WDFY2: variants seen among roughly 807,000 people sequenced by gnomAD.
The protein encoded by WDFY2 is WD repeat and FYVE domain-containing protein 2.
Under a neutral mutation model 56.4 loss-of-function variants are expected in WDFY2, and 36 were observed. That is an observed-to-expected ratio of 0.64 (90% CI 0.49 to 0.84). The LOEUF (loss-of-function observed/expected upper bound fraction) is 0.84, where lower values mean the gene tolerates loss of function less well. Ranked by LOEUF, WDFY2 falls within the 40% of genes least tolerant of loss-of-function variation. The probability of loss-of-function intolerance (pLI) is 0.00; values close to 1 mark genes in which losing one functional copy is unlikely to be tolerated. For missense variants in WDFY2, 444 were observed against 512.2 expected (o/e 0.87, Z 1.29); for synonymous variants, 176 against 183.7 (o/e 0.96, Z 0.34).
intron 3 of WDFY2, among the ~76,000 whole-genome samples, chr13:51,699,831 A>G (rs539829376): frequency 6.6e-6 from 1 of 152,322 alleles, no homozygotes; most frequent in Admixed American, 6.5e-5. Flanking sequence ...TATCTTCTAC[A>G]TAGACATTAG....
At chr13:51,702,224 A>G (rs555875898) in intron 3 of WDFY2, among the ~76,000 whole-genome samples, 2 of 152,096 alleles carry the variant, frequency 1.3e-5, no homozygotes, top group Non-Finnish European at 1.5e-5. Flanking sequence ...AGGCAGGAGA[A>G]TTACTTGAAC....
chr13:51,745,197 A>C (rs1953066245), intron 7 of WDFY2, among the ~76,000 whole-genome samples: 1 of 152,178 alleles, frequency 6.6e-6, no homozygotes, highest in Admixed American at 6.5e-5. Flanking sequence ...CTTGCCCTTG[A>C]GTGTCACAGT....
chr13:51,645,291 C>T (rs1955243506), intron 1 of WDFY2, among the ~76,000 whole-genome samples: 1 of 152,060 alleles, frequency 6.6e-6, no homozygotes, highest in Admixed American at 6.5e-5. Flanking sequence ...CCTGGAAATT[C>T]AGGGCCTTCA....
intron 1 of WDFY2, chr13:51,586,483 T>C (rs1953938227): frequency 6.5e-6 from 1 of 154,092 alleles, no homozygotes; most frequent in Non-Finnish European, 1.4e-5. Flanking sequence ...GAGTTCAATC[T>C]GTAACTGACT....
intron 6 of WDFY2, among the ~76,000 whole-genome samples, chr13:51,735,346 G>A (rs9591426): frequency 2.0e-5 from 3 of 152,180 alleles, no homozygotes; most frequent in Admixed American, 6.5e-5. Flanking sequence ...CAAAGTCTGC[G>A]GTGGGGACAG....
In WDFY2 at chr13:51,767,036, A is replaced by T. The variant is rs1240561185; in HGVS notation, c.*7267A>T. On this transcript the variant is annotated 3_prime_UTR_variant, in exon 12 of 12. Coordinates refer to ENST00000298125, the MANE Select transcript of WDFY2 (RefSeq NM_052950.4). ...GCCCTTTTCCTTCATCATGTAAGTC[A>T]GCTTTTTCTTGTGCTTAGTAAACTT... is the stretch of plus-strand genomic sequence containing the variant. 2.0e-5 allele frequency: 3 copies of T among 152,268 alleles called. No homozygotes were observed. The highest frequency in any genetic ancestry group is 7.2e-5 in the African/African-American group (3 of 41,470). The allele number at this position is 152,268 out of a possible 1,614,324, so 9.4% of individuals were successfully genotyped here.
chr13:51,661,773 CT>C (rs201861703), intron 2 of WDFY2, among the ~76,000 whole-genome samples: 7 of 152,032 alleles, frequency 4.6e-5, no homozygotes, highest in African/African-American at 1.7e-4. Flanking sequence ...GTATTCAACG[CT>C]TTTTTTGGGA....
chr13:51,641,687 G>A (rs1460468740), intron 1 of WDFY2, among the ~76,000 whole-genome samples: 4 of 149,602 alleles, frequency 2.7e-5, no homozygotes, highest in African/African-American at 2.4e-5. Context: ...TTAGCCGGGC[G>A]TAGTGGCGGG....
At chr13:51,625,262 C>A (rs1223724419) in intron 1 of WDFY2, among the ~76,000 whole-genome samples, 1 of 152,184 alleles carries the variant, frequency 6.6e-6, no homozygotes, top group African/African-American at 2.4e-5. Flanking sequence ...CTTGGTATTT[C>A]TGGTTAAGTA....
chr13:51,744,038 T>TG (rs890081274), intron 7 of WDFY2, among the ~76,000 whole-genome samples: 2 of 152,210 alleles, frequency 1.3e-5, no homozygotes, highest in African/African-American at 2.4e-5. Context: ...AGCCTGGCAG[T>TG]GGGCCAAGGA....
chr13:51,711,307 T>G (rs1952210278), intron 4 of WDFY2, among the ~76,000 whole-genome samples: 1 of 152,196 alleles, frequency 6.6e-6, no homozygotes, highest in African/African-American at 2.4e-5. Context: ...ATTAAAGACT[T>G]AAACGTTAGA....
At chr13:51,724,340 C>T (rs909532450) in intron 5 of WDFY2, among the ~76,000 whole-genome samples, 3 of 149,364 alleles carry the variant, frequency 2.0e-5, no homozygotes, top group Non-Finnish European at 3.0e-5. Context: ...TGGATTCAAG[C>T]GATTCTCCTG....
At chr13:51,591,537 C>T (rs1048828417) in intron 1 of WDFY2, 4 of 152,152 alleles carry the variant, frequency 2.6e-5, no homozygotes, top group Non-Finnish European at 5.9e-5. Context: ...AGCATTGCTA[C>T]GCAAGACTGA....
chr13:51,602,874 G>A (rs1206100441), intron 1 of WDFY2, among the ~76,000 whole-genome samples: 2 of 152,064 alleles, frequency 1.3e-5, no homozygotes, highest in African/African-American at 4.8e-5. Flanking sequence ...TTCTCCAAAT[G>A]GGTTCCATTT....
At chr13:51,612,173 T>C (rs879818591) in intron 1 of WDFY2, among the ~76,000 whole-genome samples, 2 of 152,176 alleles carry the variant, frequency 1.3e-5, no homozygotes, top group Non-Finnish European at 2.9e-5. Flanking sequence ...AGATGGTGAA[T>C]TCACTTGTGA....
intron 3 of WDFY2, among the ~76,000 whole-genome samples, chr13:51,695,504 A>G (rs1363154292): frequency 6.6e-6 from 1 of 152,144 alleles, no homozygotes. Context: ...GCGGATTTTC[A>G]TGAACCGGGA....
At position 51,584,598 on chromosome 13, in the gene WDFY2, G is replaced by C. The variant is rs1953898303; in HGVS notation, c.-90G>C. 3 of 1,487,640 alleles carry C rather than the reference G, an allele frequency of 2.0e-6. No homozygotes were observed. In the Admixed American group the frequency reaches 7.0e-5, roughly 35 times the overall value. 92.2% of individuals were successfully genotyped at this position (1,487,640 alleles called of 1,614,324 possible). A position where few individuals can be genotyped will look rare whatever the true frequency, so the allele number is the denominator to read the frequency against. On this transcript the variant is annotated 5_prime_UTR_variant, in exon 1 of 12. Coordinates refer to ENST00000298125, the MANE Select transcript of WDFY2 (RefSeq NM_052950.4). ...TCCGCTCCGGCCAGCCAGAGTCTCTGTCTCAACCTGTGTCCGTGCTCCAGC... is the reference window on the plus strand; with the variant it reads ...TCCGCTCCGGCCAGCCAGAGTCTCTCTCTCAACCTGTGTCCGTGCTCCAGC...
chr13:51,758,270 A>C lies in WDFY2; in HGVS notation c.1143A>C (p.Leu381Phe), dbSNP rs747786344. Residue 381 changes from leucine to phenylalanine, a missense_variant, in exon 11 of 12, where the codon TTA becomes TTC. Physicochemically the swap from Leu to Phe is conservative, Grantham distance 22. Transcript: ENST00000298125. The stretch of plus-strand genomic sequence containing the variant: ...ATTTCGATGCAACCAGAGGATGGTT[A>C]CTGACTTCTGGAACTGACAAGGTTA... ...HVHFDATRGW[L>F]LTSGTDKVIK... 6.3e-7 allele frequency: 1 copy of C among 1,599,940 alleles called. No individual in the cohort carries two copies. Among genetic ancestry groups the C allele is most frequent in the South Asian group, 1.1e-5 (1 of 89,858 alleles).
At chr13:51,631,574 C>T (rs565891163) in intron 1 of WDFY2, among the ~76,000 whole-genome samples, 1 of 152,200 alleles carries the variant, frequency 6.6e-6, no homozygotes, top group South Asian at 2.1e-4. Context: ...CTTTTCTTCT[C>T]CTTACCGTCT....
Sources: gnomAD v4.1 joint callset for allele counts (sites outside exome capture counted in the v4.1 genomes callset) on GRCh38, gnomAD v4.1.1 for gene constraint, MANE v1.5 for transcripts, NCBI Gene and HGNC (gene_info 2026-07-23, HGNC 2026-07-21) for gene names.